ASAP1: variants seen among roughly 807,000 people sequenced by gnomAD.
ASAP1 encodes ArfGAP with SH3 domain, ankyrin repeat and PH domain 1.
In ASAP1, 43 loss-of-function variants were observed where a neutral mutation model predicts 145.2. That is an observed-to-expected ratio of 0.30 (90% CI 0.23 to 0.38). ASAP1 has a LOEUF of 0.38. Among genes scored for constraint, ASAP1 ranks in the 10% least tolerant of loss-of-function variants. ASAP1 has a pLI of 1.00. For missense variants in ASAP1, 1,018 were observed against 1,355.3 expected (o/e 0.75, Z 3.91); for synonymous variants, 546 against 515.5 (o/e 1.06, Z -0.80).
chr8:130,186,117 A>C (rs761949957), intron 7 of ASAP1, among the ~76,000 whole-genome samples: 2 of 152,156 alleles, frequency 1.3e-5, no homozygotes, highest in Admixed American at 6.5e-5. Flanking sequence ...GTCTCTGGGC[A>C]GCGGCAGTAC....
chr8:130,241,188 TTTC>T (rs1352389825), intron 3 of ASAP1, among the ~76,000 whole-genome samples: 1 of 152,120 alleles, frequency 6.6e-6, no homozygotes, highest in African/African-American at 2.4e-5. Context: ...TGACTGGCTC[TTTC>T]TTCTTACACA....
chr8:130,235,549 G>C (rs1252786388), intron 4 of ASAP1, among the ~76,000 whole-genome samples: 2 of 152,104 alleles, frequency 1.3e-5, no homozygotes, highest in Non-Finnish European at 2.9e-5. Flanking sequence ...AAATAAAAGC[G>C]AAAGGGCAGG....
intron 2 of ASAP1, among the ~76,000 whole-genome samples, chr8:130,399,502 T>G (rs1828679827): frequency 1.3e-5 from 2 of 152,128 alleles, no homozygotes; most frequent in Non-Finnish European, 1.5e-5. Context: ...ATAGAAAAAT[T>G]TTGAAAATAA....
intron 27 of ASAP1, among the ~76,000 whole-genome samples, chr8:130,068,472 A>G (rs1003030144): frequency 1.4e-4 from 21 of 152,370 alleles, no homozygotes; most frequent in Middle Eastern, 3.4e-3. Flanking sequence ...TCTGTAGATC[A>G]GTATCATCAG....
chr8:130,354,815 CCT>C (rs368883994), intron 3 of ASAP1, among the ~76,000 whole-genome samples: 31 of 152,322 alleles, frequency 2.0e-4, no homozygotes, highest in East Asian at 1.3e-3. Flanking sequence ...ACCGTGAACC[CCT>C]GAGCCATGTG....
chr8:130,278,429 T>C (rs1315850244), intron 3 of ASAP1, among the ~76,000 whole-genome samples: 3 of 152,184 alleles, frequency 2.0e-5, no homozygotes, highest in African/African-American at 7.2e-5. Context: ...GAACTGCACT[T>C]TTTGTTGACA....
chr8:130,422,741 G>A (rs1829770285), intron 1 of ASAP1, among the ~76,000 whole-genome samples: 1 of 152,142 alleles, frequency 6.6e-6, no homozygotes, highest in Admixed American at 6.5e-5. Context: ...GGAACAGCAA[G>A]AGGCTTGGTC....
chr8:130,341,212 G>A (rs1825361630), intron 3 of ASAP1, among the ~76,000 whole-genome samples: 1 of 152,092 alleles, frequency 6.6e-6, no homozygotes, highest in African/African-American at 2.4e-5. Context: ...GATGGGTGCA[G>A]GGCGCCAGGA....
intron 2 of ASAP1, among the ~76,000 whole-genome samples, chr8:130,362,102 T>G (rs182369559): frequency 6.6e-6 from 1 of 152,102 alleles, no homozygotes; most frequent in Admixed American, 6.5e-5. Flanking sequence ...TGAACAGCAA[T>G]GGCGCTAACG....
At chr8:130,073,409 A>G (rs1415657525) in intron 27 of ASAP1, among the ~76,000 whole-genome samples, 1 of 151,184 alleles carries the variant, frequency 6.6e-6, no homozygotes, top group Non-Finnish European at 1.5e-5. Context: ...AAAAAAACAA[A>G]TACAAATGTG....
intron 3 of ASAP1, among the ~76,000 whole-genome samples, chr8:130,328,958 C>T (rs1824512639): frequency 6.6e-6 from 1 of 152,084 alleles, no homozygotes; most frequent in African/African-American, 2.4e-5. Flanking sequence ...ACCTCTTAGA[C>T]TAGCAGGAAA....
At chr8:130,100,624 C>T (rs995474865) in intron 24 of ASAP1, among the ~76,000 whole-genome samples, 5 of 152,270 alleles carry the variant, frequency 3.3e-5, no homozygotes, top group African/African-American at 1.2e-4. Context: ...CCACCACACC[C>T]GGCCTCTACT....
At chr8:130,278,362 C>T (rs934389005) in intron 3 of ASAP1, among the ~76,000 whole-genome samples, 4 of 151,842 alleles carry the variant, frequency 2.6e-5, no homozygotes, top group African/African-American at 7.3e-5. Flanking sequence ...TTAAGTCCAC[C>T]ACTCCTGTGC....
rs952872717 is a variant in ASAP1 at position 130,187,964 on chromosome 8, T to A, written c.480+145A>T. 18 of 662,416 alleles carry A rather than the reference T, an allele frequency of 2.7e-5. No individual in the cohort carries two copies. The Admixed American group carries it at 3.7e-4, about 13-fold the overall frequency. The allele number at this position is 662,416 out of a possible 1,614,324, so 41.0% of individuals were successfully genotyped here. A position where few individuals can be genotyped will look rare whatever the true frequency, so the allele number is the denominator to read the frequency against. ...CCATTATGTGAAGAGGCACATTTTT[T>A]CCAATGATCATTTTCCAAGAGCATT... On this transcript the variant is annotated intron_variant, in intron 6 of 29. Coordinates refer to ENST00000518721, the MANE Select transcript of ASAP1 (RefSeq NM_018482.4).
At chr8:130,393,077 A>T (rs376378084) in intron 2 of ASAP1, among the ~76,000 whole-genome samples, 3 of 152,114 alleles carry the variant, frequency 2.0e-5, no homozygotes, top group African/African-American at 7.2e-5. Context: ...CTTCTTTTTA[A>T]TGGCTGCATT....
intron 3 of ASAP1, among the ~76,000 whole-genome samples, chr8:130,278,466 A>C (rs1051724594): frequency 6.6e-6 from 1 of 152,260 alleles, no homozygotes; most frequent in Non-Finnish European, 1.5e-5. Context: ...GGAAACAAAG[A>C]AATTACCCAG....
At chr8:130,434,534 A>G (rs1324461113) in intron 1 of ASAP1, among the ~76,000 whole-genome samples, 4 of 152,304 alleles carry the variant, frequency 2.6e-5, no homozygotes, top group African/African-American at 9.6e-5. Context: ...CGAGCAATAC[A>G]TAATAGCTAT....
At chr8:130,441,056 G>A (rs537859168) in intron 1 of ASAP1, among the ~76,000 whole-genome samples, 12 of 152,170 alleles carry the variant, frequency 7.9e-5, no homozygotes, top group Non-Finnish European at 1.6e-4. Context: ...TTAGCATGGC[G>A]CAGGTGCTCA....
intron 1 of ASAP1, among the ~76,000 whole-genome samples, chr8:130,412,480 GC>G (rs1332603851): frequency 6.6e-6 from 1 of 151,548 alleles, no homozygotes; most frequent in Admixed American, 6.6e-5. Context: ...GTTTTTTGAG[GC>G]CCCCCAGAAG....
Sources: gnomAD v4.1 joint callset for allele counts (sites outside exome capture counted in the v4.1 genomes callset) on GRCh38, gnomAD v4.1.1 for gene constraint, MANE v1.5 for transcripts, NCBI Gene and HGNC (gene_info 2026-07-23, HGNC 2026-07-21) for gene names.